PUDP: variants seen among roughly 807,000 people sequenced by gnomAD.
PUDP encodes pseudouridine 5'-phosphatase.
In PUDP, 8 loss-of-function variants were observed where a neutral mutation model predicts 9.4. The ratio of observed to expected loss-of-function variants is 0.85; its 90% CI spans 0.50 to 1.53. The LOEUF (loss-of-function observed/expected upper bound fraction) is 1.53, where lower values mean the gene tolerates loss of function less well. Among genes scored for constraint, PUDP ranks in the 40% most tolerant of loss-of-function variants. The probability of loss-of-function intolerance (pLI) is 0.00; values close to 1 mark genes in which losing one functional copy is unlikely to be tolerated. For synonymous variants in PUDP, 99 were observed against 80.7 expected (o/e 1.23, Z -1.22); for missense variants, 188 against 189.7 (o/e 0.99, Z 0.05).
At chrX:7,077,706 C>T (rs760737999) in intron 2 of PUDP, among the ~76,000 whole-genome samples, 1 of 112,701 alleles carries the variant, frequency 8.9e-6, no homozygotes, top group Non-Finnish European at 1.9e-5. Flanking sequence ...GAAGAGCGCA[C>T]TGGGAGGCAC....
intron 3 of PUDP, among the ~76,000 whole-genome samples, chrX:7,072,831 A>C (rs1393424579): frequency 1.6e-4 from 17 of 107,357 alleles, no homozygotes; most frequent in Admixed American, 1.4e-3. Flanking sequence ...AAAAAAAAAA[A>C]CAAAACTGAT....
intron 3 of PUDP, among the ~76,000 whole-genome samples, chrX:6,775,121 C>G (rs1053648320): frequency 2.7e-5 from 3 of 112,077 alleles, no homozygotes; most frequent in African/African-American, 9.7e-5. Context: ...CTCCCATCCT[C>G]AGACCCCAGC....
intron 3 of PUDP, among the ~76,000 whole-genome samples, chrX:6,838,705 G>T (rs1045100352): frequency 3.6e-5 from 4 of 112,109 alleles, no homozygotes; most frequent in African/African-American, 1.3e-4. Context: ...GGAAAATTTT[G>T]TCATGGAAGG....
intron 2 of PUDP, among the ~76,000 whole-genome samples, chrX:6,978,156 GAACCTT>G (rs1928981313): frequency 8.9e-6 from 1 of 112,040 alleles, no homozygotes; most frequent in Non-Finnish European, 1.9e-5. Context: ...TAGTAACACA[GAACCTT>G]ACCATAAACT....
At chrX:6,713,903 T>C (rs948509638) in intron 1 of PUDP, among the ~76,000 whole-genome samples, 4 of 110,830 alleles carry the variant, frequency 3.6e-5, no homozygotes, top group Admixed American at 9.7e-5. Flanking sequence ...TTATTATTAT[T>C]ATTATTACTA....
At chrX:6,863,595 T>C (rs1927035803) in intron 3 of PUDP, among the ~76,000 whole-genome samples, 1 of 112,097 alleles carries the variant, frequency 8.9e-6, no homozygotes, top group Non-Finnish European at 1.9e-5. Flanking sequence ...ACATGTAACT[T>C]ATGTCTCATA....
intron 3 of PUDP, among the ~76,000 whole-genome samples, chrX:6,763,813 C>G (rs184141668): frequency 1.8e-5 from 2 of 111,694 alleles, no homozygotes; most frequent in African/African-American, 6.5e-5. Flanking sequence ...ATATATTATC[C>G]TTTAGAAAAG....
chrX:6,716,211 T>G (rs926200905), intron 1 of PUDP, among the ~76,000 whole-genome samples: 1 of 111,779 alleles, frequency 8.9e-6, no homozygotes, highest in African/African-American at 3.2e-5. Context: ...AAGCATTATA[T>G]GTAAGCTGGT....
intron 3 of PUDP, among the ~76,000 whole-genome samples, chrX:6,737,741 C>T (rs1924890399): frequency 9.0e-6 from 1 of 110,967 alleles, no homozygotes; most frequent in African/African-American, 3.3e-5. Context: ...TGGTCTCTGC[C>T]CAAAAATGCC....
At chrX:7,020,878 G>A (rs1479206787) in intron 1 of PUDP, among the ~76,000 whole-genome samples, 1 of 112,795 alleles carries the variant, frequency 8.9e-6, no homozygotes, top group Non-Finnish European at 1.9e-5. Context: ...GCTAGCTCAT[G>A]CCCCCTGTCT....
upstream of PUDP, among the ~76,000 whole-genome samples, chrX:6,723,611 G>A (rs945185553): frequency 6.4e-5 from 7 of 109,059 alleles, no homozygotes; most frequent in Non-Finnish European, 1.9e-5. Context: ...CAAGAGGAGA[G>A]AAGATCACTT....
chrX:6,888,660 C>T (rs763236528), intron 3 of PUDP, among the ~76,000 whole-genome samples: 16 of 110,179 alleles, frequency 1.5e-4, no homozygotes, highest in Middle Eastern at 4.7e-3. Context: ...AAAACAAAAA[C>T]AAAAACAAAA....
At chrX:6,983,198 G>A (rs1356729002) in intron 1 of PUDP, among the ~76,000 whole-genome samples, 1 of 111,814 alleles carries the variant, frequency 8.9e-6, no homozygotes, top group African/African-American at 3.3e-5. Context: ...TGGCTGTGCG[G>A]GAGAACGGAG....
chrX:7,109,219 G>A (rs1254678780), intron 1 of PUDP, among the ~76,000 whole-genome samples: 1 of 112,220 alleles, frequency 8.9e-6, no homozygotes, highest in East Asian at 2.8e-4. Flanking sequence ...TTCTCTGTGA[G>A]GGGGAGAAAG....
intron 3 of PUDP, among the ~76,000 whole-genome samples, chrX:6,876,104 G>T (rs1006194817): frequency 8.9e-6 from 1 of 112,016 alleles, no homozygotes; most frequent in African/African-American, 3.2e-5. Context: ...ATAATGATGT[G>T]AAAGCAATAT....
intron 3 of PUDP, among the ~76,000 whole-genome samples, chrX:6,779,992 T>C (rs1408670402): frequency 9.0e-6 from 1 of 110,925 alleles, no homozygotes; most frequent in East Asian, 2.8e-4. Flanking sequence ...TTCTATAGCA[T>C]GTTCTTGTAC....
intron 3 of PUDP, among the ~76,000 whole-genome samples, chrX:6,898,902 T>C (rs1927632096): frequency 1.8e-5 from 2 of 111,791 alleles, no homozygotes; most frequent in Admixed American, 9.5e-5. Context: ...AATCCACGCT[T>C]CTCTTCAGTA....
chrX:6,810,006 G>A (rs2055236028), intron 3 of PUDP, among the ~76,000 whole-genome samples: 1 of 110,487 alleles, frequency 9.1e-6, no homozygotes, highest in Non-Finnish European at 1.9e-5. Flanking sequence ...CTGGAGCCCA[G>A]GAGTTCCAGG....
intron 3 of PUDP, among the ~76,000 whole-genome samples, chrX:6,761,506 C>T (rs956680367): frequency 4.4e-5 from 5 of 112,426 alleles, no homozygotes; most frequent in Admixed American, 2.8e-4. Context: ...GAAGCCCTAT[C>T]TTCCTTCATT....
Sources: allele counts gnomAD v4.1 joint callset (sites outside exome capture counted in the v4.1 genomes callset), GRCh38; gene constraint gnomAD v4.1.1; transcripts MANE v1.5; gene names NCBI Gene and HGNC (gene_info 2026-07-23, HGNC 2026-07-21).